Variants in ARID1B observed in about 807,000 individuals in gnomAD.
ARID1B encodes the protein AT-rich interaction domain 1B, also known as AT-rich interactive domain-containing protein 1B.
In ARID1B, 30 loss-of-function variants were observed where a neutral mutation model predicts 212.3. That is an observed-to-expected ratio of 0.14 (90% CI 0.11 to 0.19). The LOEUF (loss-of-function observed/expected upper bound fraction) is 0.19. Ranked by LOEUF, ARID1B falls within the 10% of genes least tolerant of loss-of-function variation. The probability of loss-of-function intolerance (pLI) is 1.00; values close to 1 mark genes in which losing one functional copy is unlikely to be tolerated. For synonymous variants in ARID1B, 1,402 were observed against 1,301.7 expected (o/e 1.08, Z -1.66); for missense variants, 2,891 against 3,204.0 (o/e 0.90, Z 2.36).
chr6:157,019,260 T>C (rs2128469488), intron 4 of ARID1B, among the ~76,000 whole-genome samples: 1 of 152,250 alleles, frequency 6.6e-6, no homozygotes, highest in Admixed American at 6.5e-5. Flanking sequence ...TATTCTAGGC[T>C]TAGGAGGAGA....
chr6:157,011,403 G>A lies in ARID1B; in HGVS notation c.2248-73259G>A, dbSNP rs78213988. ...GTTACAGCCAAAAACAAATTATGTA[G>A]CAGTTATGCCTTGATTAGTTAAAAT... is the stretch of plus-strand genomic sequence containing the variant. On this transcript the variant is annotated intron_variant, in intron 4 of 19. Coordinates refer to ENST00000636930, the MANE Select transcript of ARID1B (RefSeq NM_001374828.1). Among the ~76,000 whole-genome samples the A allele has an allele frequency of 5.8e-3, 884 of 152,258 alleles. 6 individuals are homozygous for A. The highest frequency in any genetic ancestry group is 0.02 in the African/African-American group (832 of 41,542).
At chr6:156,827,194 T>C (rs1782799644) in intron 1 of ARID1B, among the ~76,000 whole-genome samples, 1 of 152,194 alleles carries the variant, frequency 6.6e-6, no homozygotes, top group African/African-American at 2.4e-5. Flanking sequence ...ATTATGTCTC[T>C]TCCTTCTGGG....
intron 2 of ARID1B, among the ~76,000 whole-genome samples, chr6:156,851,978 T>A (rs1212952965): frequency 2.6e-5 from 4 of 152,222 alleles, no homozygotes; most frequent in Non-Finnish European, 2.9e-5. Flanking sequence ...AAAGGGATGC[T>A]TTCAGTACAA....
At chr6:156,941,880 G>A (rs1196373327) in intron 4 of ARID1B, 1 of 152,220 alleles carries the variant, frequency 6.6e-6, no homozygotes, top group African/African-American at 2.4e-5. Context: ...TAATTCAGAT[G>A]TTTGTGTGCA....
Position 156,778,320 on chromosome 6 carries a change from C to T in ARID1B, c.640C>T (p.Gln214Ter), listed in dbSNP as rs2114970747. Residue 214 changes from glutamine (Q) to a stop codon, truncating the protein, a stop_gained, in exon 1 of 20, where the codon CAA (glutamine) becomes TAA (stop). Transcript: ENST00000636930. LOFTEE classifies it high-confidence loss of function. ...GCAGCAGCAGCAGCAGCAGCAACAG[C>T]AACATCCCATTTCCAACAACAACAG... Reference protein sequence around the residue: ...QQQQQQQQQQQHPISNNNSLG... With the variant: ...QQQQQQQQQQ 1 of 1,545,274 alleles carries T rather than the reference C, an allele frequency of 6.5e-7. No homozygotes were observed.
intron 4 of ARID1B, among the ~76,000 whole-genome samples, chr6:156,992,430 C>T (rs191492006): frequency 6.6e-6 from 1 of 152,182 alleles, no homozygotes; most frequent in Non-Finnish European, 1.5e-5. Flanking sequence ...TTATCACAGC[C>T]TCTGAATTTA....
Position 157,207,819 on chromosome 6 carries a change from G to C in ARID1B, c.7047G>C (p.Ser2349=). ...ACGAGGGCCGGTTGCTGGATATCTC[G>C]ATATCAGCTGTCCTGAACTCTCTGG... is the stretch of plus-strand genomic sequence containing the variant. ...LLHEGRLLDI[S]ISAVLNSLVA... is the part of the protein sequence containing the mutation. The change falls in exon 20 of 20, where the codon TCG becomes TCC. Residue 2349 remains serine, a synonymous_variant. Coordinates refer to ENST00000636930, the MANE Select transcript of ARID1B (RefSeq NM_001374828.1). The surrounding 1 kb of genome is among the most constrained non-coding windows in gnomAD (Gnocchi z 8.5). 2 of 1,539,992 alleles carry C rather than the reference G, an allele frequency of 1.3e-6. No homozygotes were observed. The highest frequency in any genetic ancestry group is 1.8e-6 in the Non-Finnish European group (2 of 1,140,580).
chr6:156,800,217 T>C (rs1780679514), intron 1 of ARID1B, among the ~76,000 whole-genome samples: 2 of 152,216 alleles, frequency 1.3e-5, no homozygotes, highest in Non-Finnish European at 2.9e-5. Context: ...TAAAACCTTT[T>C]CAGCATTAAA....
chr6:157,132,936 T>G (rs138697865), intron 6 of ARID1B, 92 bp from the exon 7 acceptor site: 769 of 1,369,144 alleles, frequency 5.6e-4, no homozygotes, highest in Non-Finnish European at 7.0e-4. Context: ...CCTTCTCCCC[T>G]GCCACCTGCC....
At chr6:157,128,190 T>G (rs1788272010) in intron 6 of ARID1B, among the ~76,000 whole-genome samples, 1 of 152,198 alleles carries the variant, frequency 6.6e-6, no homozygotes, top group Non-Finnish European at 1.5e-5. Flanking sequence ...ATCAATTTGT[T>G]TAGGAGATTA....
At chr6:157,185,916 A>C (rs974846484) in intron 13 of ARID1B, 2 of 152,376 alleles carry the variant, frequency 1.3e-5, no homozygotes, top group Non-Finnish European at 2.9e-5. Context: ...AGGCTTTACC[A>C]ACTCAGGTGT....
intron 5 of ARID1B, among the ~76,000 whole-genome samples, chr6:157,097,841 A>G (rs915274128): frequency 1.2e-4 from 19 of 152,310 alleles, no homozygotes; most frequent in Admixed American, 1.1e-3. Context: ...AAGAACTGCT[A>G]ATCGGATCCA....
intron 4 of ARID1B, chr6:157,022,898 AT>A (rs1780415142): frequency 6.6e-6 from 1 of 152,206 alleles, no homozygotes; most frequent in Non-Finnish European, 1.5e-5. Flanking sequence ...ATCCAAAAGT[AT>A]TTTGAAATGT....
chr6:156,829,703 G>T, intron 2 of ARID1B: 1 of 299,702 alleles, frequency 3.3e-6, no homozygotes, highest in Non-Finnish European at 6.2e-6. Flanking sequence ...GGTTATAACA[G>T]ATGTAAGCTC....
At chr6:157,136,677 C>CA (rs1184197309) in intron 7 of ARID1B, among the ~76,000 whole-genome samples, 1 of 152,140 alleles carries the variant, frequency 6.6e-6, no homozygotes, top group African/African-American at 2.4e-5. Flanking sequence ...GCCTGGGCAA[C>CA]ATGGTGAAAC....
chr6:156,779,312 G>GGC lies in ARID1B; in HGVS notation c.1634_1635dup (p.Ala546ArgfsTer40), dbSNP rs1779006300. The GGC allele has an allele frequency of 8.8e-7, 1 of 1,139,476 alleles. No homozygotes were observed. 70.6% of individuals were successfully genotyped at this position (1,139,476 alleles called of 1,614,324 possible). A position where few individuals can be genotyped will look rare whatever the true frequency, so the allele number is the denominator to read the frequency against. Reference sequence around the variant, plus strand: ...CCCAGTCCCAGGCGGCGGCGGCGGGGGCGGCGGCGGGCGGCCAGCAGGCGG... The same window carrying GGC: ...CCCAGTCCCAGGCGGCGGCGGCGGGGGCGCGGCGGCGGGCGGCCAGCAGGCGG... On this transcript the variant is annotated frameshift_variant, in exon 1 of 20. Coordinates refer to ENST00000636930, the MANE Select transcript of ARID1B (RefSeq NM_001374828.1). LOFTEE classifies it high-confidence loss of function.
At position 157,190,371 on chromosome 6, in the gene ARID1B, CAGTT is replaced by C. The variant is rs1793274950; in HGVS notation, c.4231+164_4231+167del. 6.6e-6 allele frequency among the ~76,000 whole-genome samples: 1 copy of C among 152,264 alleles called. No individual in the cohort carries two copies. The highest frequency in any genetic ancestry group is 1.5e-5 in the Non-Finnish European group (1 of 68,042). ...ACTCCACTTGTGGCCTTGGGAAAAG[CAGTT>C]AGCCTCTTTGTGCCCTCATCCTGTC... On this transcript the variant is annotated intron_variant, in intron 15 of 19. Transcript: ENST00000636930. The surrounding 1 kb of genome is among the most constrained non-coding windows in gnomAD (Gnocchi z 4.6).
At chr6:156,959,203 C>T (rs1794182577) in intron 4 of ARID1B, among the ~76,000 whole-genome samples, 1 of 152,132 alleles carries the variant, frequency 6.6e-6, no homozygotes, top group Non-Finnish European at 1.5e-5. Flanking sequence ...AAATTATGTA[C>T]AGTCCTCAGT....
intron 1 of ARID1B, among the ~76,000 whole-genome samples, chr6:156,808,826 C>T (rs1050490772): frequency 2.0e-5 from 3 of 152,060 alleles, no homozygotes; most frequent in Non-Finnish European, 2.9e-5. Flanking sequence ...CTTCTTTTAA[C>T]GAATGTTTTT....
Sources: gnomAD v4.1 joint callset for allele counts (sites outside exome capture counted in the v4.1 genomes callset) on GRCh38, gnomAD v4.1.1 for gene constraint, Gnocchi (gnomAD v3.1) non-coding constraint, MANE v1.5 for transcripts, NCBI Gene and HGNC (gene_info 2026-07-23, HGNC 2026-07-21) for gene names.